The following LPAR1 variants were observed in gnomAD, a reference collection of about 807,000 sequenced individuals.
LPAR1 encodes the protein LPA receptor 1.
In LPAR1, 5 loss-of-function variants were observed where a neutral mutation model predicts 23.8. That is an observed-to-expected ratio of 0.21 (90% confidence interval 0.11 to 0.44). The LOEUF is 0.44. Ranked by LOEUF, LPAR1 falls within the 20% of genes least tolerant of loss-of-function variation. LPAR1 has a pLI of 0.99. For missense variants in LPAR1, 311 were observed against 482.8 expected (o/e 0.64, Z 3.33); for synonymous variants, 160 against 164.7 (o/e 0.97, Z 0.22).
At chr9:110,897,427 T>C (rs1012408308) in intron 5 of LPAR1, among the ~76,000 whole-genome samples, 8 of 152,214 alleles carry the variant, frequency 5.3e-5, no homozygotes, top group African/African-American at 1.9e-4. Flanking sequence ...ATAAACCTCT[T>C]TCTTTTGTAA....
chr9:110,874,000 T>C lies in LPAR1; in HGVS notation c.*1421A>G, dbSNP rs113137621. On this transcript the variant is annotated 3_prime_UTR_variant, in exon 6 of 6. Transcript: ENST00000683809. The stretch of plus-strand genomic sequence containing the variant: ...AACTGAAGTGACCACTGCATTTCTT[T>C]TGTAAAAAGGTCATTTGACTGGCTT... 12 of 152,752 alleles carry C rather than the reference T, an allele frequency of 7.9e-5. No homozygotes were observed. The highest frequency in any genetic ancestry group is 1.2e-4 in the African/African-American group (5 of 41,574). The allele number at this position is 152,752 out of a possible 1,614,324, so 9.5% of individuals were successfully genotyped here. A position where few individuals can be genotyped will look rare whatever the true frequency, so the allele number is the denominator to read the frequency against.
chr9:110,992,594 C>T (rs2096917197), intron 2 of LPAR1, among the ~76,000 whole-genome samples: 1 of 152,034 alleles, frequency 6.6e-6, no homozygotes, highest in East Asian at 1.9e-4. Flanking sequence ...CTCAAATGTC[C>T]ATTCATAAAT....
intron 4 of LPAR1, among the ~76,000 whole-genome samples, chr9:110,963,365 T>TC (rs1220604889): frequency 1.3e-5 from 2 of 152,288 alleles, no homozygotes; most frequent in East Asian, 3.9e-4. Context: ...GAAACATGGT[T>TC]CAAGATGAAG....
chr9:110,875,694 T>C lies in LPAR1; in HGVS notation c.822A>G (p.Gly274=). 6.2e-7 allele frequency: 1 copy of C among 1,605,102 alleles called. No individual in the cohort carries two copies. Among genetic ancestry groups the C allele is most frequent in the Middle Eastern group, 1.7e-4 (1 of 6,024 alleles). ...LGAFIICWTP[G]LVLLLLDVCC... is the part of the protein sequence containing the mutation. The stretch of plus-strand genomic sequence containing the variant: ...ACACGTCTAGAAGTAACAAAACCAA[T>C]CCAGGAGTCCAGCAGATGATAAAGG... Residue 274 remains glycine, a synonymous_variant, in exon 6 of 6, where the codon GGA becomes GGG. Coordinates refer to ENST00000683809, the MANE Select transcript of LPAR1 (RefSeq NM_001351411.2).
chr9:110,888,601 G>C (rs1248271402), intron 5 of LPAR1, among the ~76,000 whole-genome samples: 1 of 151,088 alleles, frequency 6.6e-6, no homozygotes, highest in African/African-American at 2.4e-5. Flanking sequence ...ATTGAGTTTA[G>C]GTTCTAAGAT....
At chr9:110,883,874 C>T (rs2081571246) in intron 5 of LPAR1, among the ~76,000 whole-genome samples, 1 of 152,192 alleles carries the variant, frequency 6.6e-6, no homozygotes, top group Admixed American at 6.5e-5. Context: ...CCACTGAGGG[C>T]TGCTTATTTT....
chr9:110,880,963 T>C (rs759193915), intron 5 of LPAR1, among the ~76,000 whole-genome samples: 1 of 152,200 alleles, frequency 6.6e-6, no homozygotes, highest in Non-Finnish European at 1.5e-5. Context: ...TCAGAAAAAG[T>C]GGCCACAGAT....
chr9:110,973,336 C>T (rs1160213192), intron 3 of LPAR1, 145 bp downstream of exon 3: 4 of 152,228 alleles, frequency 2.6e-5, no homozygotes, highest in Admixed American at 2.6e-4. Context: ...GGACTAGAGT[C>T]ACACATTTAA....
At chr9:111,021,511 G>A (rs2097559256) in intron 2 of LPAR1, among the ~76,000 whole-genome samples, 1 of 152,062 alleles carries the variant, frequency 6.6e-6, no homozygotes, top group Non-Finnish European at 1.5e-5. Context: ...TTTATAAAAT[G>A]TGGAATATAT....
intron 2 of LPAR1, among the ~76,000 whole-genome samples, chr9:111,007,458 GA>G (rs1388556846): frequency 6.6e-6 from 1 of 151,982 alleles, no homozygotes; most frequent in African/African-American, 2.4e-5. Context: ...CATCCCAATA[GA>G]AAAATGGTTG....
chr9:110,922,225 G>A lies in LPAR1; in HGVS notation c.793+19196C>T, dbSNP rs72748167. ...GGTGCCACAGTGAATTCAGAGGAAT[G>A]CTACTAGATATTTTTAATTTGAGGG... is the stretch of plus-strand genomic sequence containing the variant. On this transcript the variant is annotated intron_variant, in intron 5 of 5. Coordinates refer to ENST00000683809, the MANE Select transcript of LPAR1 (RefSeq NM_001351411.2). 7.8e-3 allele frequency among the ~76,000 whole-genome samples: 1,186 copies of A among 152,260 alleles called. 7 individuals are homozygous for A. The highest frequency in any genetic ancestry group is 0.014 in the Middle Eastern group (4 of 294).
chr9:110,924,830 C>T (rs2093894706), intron 5 of LPAR1, among the ~76,000 whole-genome samples: 1 of 152,178 alleles, frequency 6.6e-6, no homozygotes, highest in Admixed American at 6.5e-5. Context: ...TTACTTCCAA[C>T]AAGATAGTCT....
At chr9:110,976,784 C>T (rs1356774288) in intron 2 of LPAR1, among the ~76,000 whole-genome samples, 1 of 152,152 alleles carries the variant, frequency 6.6e-6, no homozygotes, top group Non-Finnish European at 1.5e-5. Context: ...CGTAAAATTA[C>T]TTCTAATGCC....
intron 5 of LPAR1, among the ~76,000 whole-genome samples, chr9:110,884,111 G>A (rs1400355023): frequency 6.6e-6 from 1 of 152,174 alleles, no homozygotes; most frequent in Non-Finnish European, 1.5e-5. Context: ...TAAAACACCT[G>A]CATAGTACGA....
At chr9:110,965,941 A>C (rs2096204063) in intron 4 of LPAR1, among the ~76,000 whole-genome samples, 2 of 152,248 alleles carry the variant, frequency 1.3e-5, no homozygotes, top group Non-Finnish European at 2.9e-5. Context: ...AATACTATGC[A>C]GCCATAAAAA....
intron 4 of LPAR1, among the ~76,000 whole-genome samples, chr9:110,947,468 T>C (rs1750577750): frequency 6.6e-6 from 1 of 152,254 alleles, no homozygotes; most frequent in African/African-American, 2.4e-5. Context: ...CTGGCTGCTC[T>C]ATAGAGTAGA....
rs78395040 is a variant in LPAR1, at chr9:110,946,280, G to T, written c.46-4112C>A. Among the ~76,000 whole-genome samples, 404 of 152,132 alleles carry T rather than the reference G, an allele frequency of 2.7e-3. 5 individuals carry two copies. The highest frequency in any genetic ancestry group is 9.5e-3 in the African/African-American group (394 of 41,540). On this transcript the variant is annotated intron_variant, in intron 4 of 5. Coordinates refer to ENST00000683809, the MANE Select transcript of LPAR1 (RefSeq NM_001351411.2). ...GATTAGAAGGAACCTGAAAAACACAGCTCCAAACAGAAGACAAGTAATTGC... is the reference window on the plus strand; with the variant it reads ...GATTAGAAGGAACCTGAAAAACACATCTCCAAACAGAAGACAAGTAATTGC...
At chr9:110,886,395 C>A (rs1588137415) in intron 5 of LPAR1, among the ~76,000 whole-genome samples, 4 of 110,332 alleles carry the variant, frequency 3.6e-5, no homozygotes, top group Admixed American at 1.1e-4. Flanking sequence ...TTTACCAGAG[C>A]ATTATTACCC....
intron 2 of LPAR1, among the ~76,000 whole-genome samples, chr9:111,003,202 T>C (rs2097160027): frequency 6.6e-6 from 1 of 152,198 alleles, no homozygotes; most frequent in Non-Finnish European, 1.5e-5. Flanking sequence ...CCTGCATAGC[T>C]GTTATTAATC....
Sources: gnomAD v4.1 joint callset for allele counts (sites outside exome capture counted in the v4.1 genomes callset) on GRCh38, gnomAD v4.1.1 for gene constraint, MANE v1.5 for transcripts, NCBI Gene and HGNC (gene_info 2026-07-23, HGNC 2026-07-21) for gene names.